SLC24A2: variants seen among roughly 807,000 people sequenced by gnomAD.
SLC24A2 encodes sodium/potassium/calcium exchanger 2.
Under a neutral mutation model 62.0 loss-of-function variants are expected in SLC24A2, and 36 were observed. That is an observed-to-expected ratio of 0.58 (90% CI 0.44 to 0.77). SLC24A2 has a LOEUF of 0.77. SLC24A2 is among the 30% of genes least tolerant of loss of function. SLC24A2 has a pLI of 0.00. For missense variants in SLC24A2, 846 were observed against 817.9 expected (o/e 1.03, Z -0.42); for synonymous variants, 358 against 294.0 (o/e 1.22, Z -2.23).
chr9:19,615,198 C>A (rs1348769382), intron 4 of SLC24A2, among the ~76,000 whole-genome samples: 2 of 152,232 alleles, frequency 1.3e-5, no homozygotes, highest in African/African-American at 4.8e-5. Context: ...TGTAGGCCAT[C>A]TGTCCTAGAT....
chr9:20,142,719 C>T, the SLC24A2 span, among the ~76,000 whole-genome samples: 2 of 152,140 alleles, frequency 1.3e-5, no homozygotes, highest in African/African-American at 2.4e-5. Flanking sequence ...CCTCAGCCTC[C>T]CAAGGAGCTG....
chr9:20,271,610 C>G, the SLC24A2 span, among the ~76,000 whole-genome samples: 1 of 152,200 alleles, frequency 6.6e-6, no homozygotes, highest in African/African-American at 2.4e-5. Flanking sequence ...GTTTCTGCAA[C>G]TAATTTTATT....
chr9:19,717,546 A>G (rs1820893744), intron 2 of SLC24A2, among the ~76,000 whole-genome samples: 1 of 152,242 alleles, frequency 6.6e-6, no homozygotes, highest in Non-Finnish European at 1.5e-5. Flanking sequence ...GAACATAACA[A>G]CCAAAAAATC....
the SLC24A2 span, among the ~76,000 whole-genome samples, chr9:20,205,679 CA>C: frequency 1.8e-5 from 2 of 111,716 alleles, no homozygotes; most frequent in African/African-American, 6.9e-5. Flanking sequence ...AAAAAACAAA[CA>C]AAAAAACGTT....
At chr9:20,107,806 C>T in the SLC24A2 span, among the ~76,000 whole-genome samples, 1 of 152,084 alleles carries the variant, frequency 6.6e-6, no homozygotes, top group Non-Finnish European at 1.5e-5. Flanking sequence ...ATGTCTAAAA[C>T]ACCAAAAGCA....
At chr9:20,118,958 C>T in the SLC24A2 span, among the ~76,000 whole-genome samples, 1 of 152,054 alleles carries the variant, frequency 6.6e-6, no homozygotes. Context: ...CTATGTCTTG[C>T]TAGGAGACTC....
At chr9:19,986,303 C>A in the SLC24A2 span, among the ~76,000 whole-genome samples, 2 of 152,046 alleles carry the variant, frequency 1.3e-5, no homozygotes, top group African/African-American at 4.8e-5. Flanking sequence ...GAAATTGGAA[C>A]CCTTGTACAT....
the SLC24A2 span, among the ~76,000 whole-genome samples, chr9:20,198,951 A>G: frequency 6.6e-6 from 1 of 152,018 alleles, no homozygotes; most frequent in Non-Finnish European, 1.5e-5. Context: ...AGGCTGTCCA[A>G]TGTGGGGAAA....
At chr9:20,211,380 C>G in the SLC24A2 span, among the ~76,000 whole-genome samples, 1 of 152,054 alleles carries the variant, frequency 6.6e-6, no homozygotes, top group South Asian at 2.1e-4. Flanking sequence ...GGTATGGTGG[C>G]ACATGCCTGT....
chr9:19,574,860 T>C lies in SLC24A2; in HGVS notation c.1229-1391A>G, dbSNP rs1835960049. Among the ~76,000 whole-genome samples, 3 of 152,168 alleles carry C rather than the reference T, an allele frequency of 2.0e-5. No homozygotes were observed. The South Asian group carries it at 6.2e-4, about 32-fold the overall frequency. ...TTGGGTCAAATCATGGATTTTGGGA[T>C]GGAATGAGGCTGTAGTATGCTGTCA... On this transcript the variant is annotated intron_variant, in intron 6 of 10. Transcript: ENST00000341998.
intron 2 of SLC24A2, among the ~76,000 whole-genome samples, chr9:19,722,211 C>T (rs1821046538): frequency 6.6e-6 from 1 of 152,056 alleles, no homozygotes; most frequent in African/African-American, 2.4e-5. Flanking sequence ...GGTGAAAAAA[C>T]CTGGATTTCA....
chr9:20,241,719 G>A, the SLC24A2 span, among the ~76,000 whole-genome samples: 17 of 152,094 alleles, frequency 1.1e-4, no homozygotes, highest in Admixed American at 5.2e-4. Flanking sequence ...GACCATAAGC[G>A]AGTAATCCCA....
At chr9:19,918,659 G>A in the SLC24A2 span, among the ~76,000 whole-genome samples, 27 of 152,246 alleles carry the variant, frequency 1.8e-4, no homozygotes, top group African/African-American at 6.3e-4. Flanking sequence ...AGGAGTGTAT[G>A]CCATAAAAGG....
intron 2 of SLC24A2, among the ~76,000 whole-genome samples, chr9:19,752,795 A>G (rs1009646428): frequency 2.0e-5 from 3 of 152,160 alleles, no homozygotes; most frequent in Non-Finnish European, 4.4e-5. Context: ...CCATGCCCAT[A>G]CTACAGATGA....
the SLC24A2 span, among the ~76,000 whole-genome samples, chr9:19,950,631 G>A: frequency 7.4e-4 from 113 of 152,294 alleles, no homozygotes; most frequent in African/African-American, 2.6e-3. Context: ...TTATGTGTCA[G>A]GCATTTTCCT....
At chr9:19,521,844 G>A (rs530981696) in intron 9 of SLC24A2, among the ~76,000 whole-genome samples, 5 of 151,414 alleles carry the variant, frequency 3.3e-5, no homozygotes, top group Non-Finnish European at 7.4e-5. Flanking sequence ...AGCAAGGGGA[G>A]GGTGGCTATT....
chr9:20,256,302 T>C, the SLC24A2 span, among the ~76,000 whole-genome samples: 1 of 152,132 alleles, frequency 6.6e-6, no homozygotes, highest in Non-Finnish European at 1.5e-5. Context: ...GAAAATAAAA[T>C]GGTGTAGAGT....
chr9:19,759,530 C>T (rs1426067043), intron 2 of SLC24A2, among the ~76,000 whole-genome samples: 1 of 152,178 alleles, frequency 6.6e-6, no homozygotes, highest in Non-Finnish European at 1.5e-5. Context: ...AAAATGGCAG[C>T]ATTGCAGCCA....
the SLC24A2 span, among the ~76,000 whole-genome samples, chr9:20,062,899 C>T: frequency 8.5e-6 from 1 of 118,138 alleles, no homozygotes; most frequent in African/African-American, 3.6e-5. Context: ...ATATGCTCAC[C>T]ATCACTGGCC....
Sources: allele counts gnomAD v4.1 joint callset (sites outside exome capture counted in the v4.1 genomes callset), GRCh38; gene constraint gnomAD v4.1.1; transcripts MANE v1.5; gene names NCBI Gene and HGNC (gene_info 2026-07-23, HGNC 2026-07-21).